The following SCN9A variants were observed in gnomAD, a reference collection of about 807,000 sequenced individuals.
The protein encoded by SCN9A is sodium voltage-gated channel alpha subunit 9.
SCN9A carries 131 observed loss-of-function variants against 187.0 expected under a neutral mutation model. The observed-to-expected ratio is 0.70, with a 90% CI of 0.61 to 0.81. The LOEUF (loss-of-function observed/expected upper bound fraction) is 0.81, where lower values mean the gene tolerates loss of function less well. Among genes scored for constraint, SCN9A ranks in the 30% least tolerant of loss-of-function variants. The pLI, the probability that SCN9A is intolerant of heterozygous loss-of-function variation, is 0.00. For synonymous variants in SCN9A, 809 were observed against 808.6 expected (o/e 1.00, Z -0.01); for missense variants, 2,252 against 2,396.6 (o/e 0.94, Z 1.26).
At chr2:166,327,401 C>A (rs528383682) in intron 1 of SCN9A, among the ~76,000 whole-genome samples, 39 of 152,244 alleles carry the variant, frequency 2.6e-4, no homozygotes, top group African/African-American at 8.9e-4. Context: ...AAGTGATCTG[C>A]CCTCCTTGGC....
At chr2:166,343,652 A>G (rs1699836306) in intron 1 of SCN9A, among the ~76,000 whole-genome samples, 1 of 152,094 alleles carries the variant, frequency 6.6e-6, no homozygotes, top group Non-Finnish European at 1.5e-5. Context: ...TAATCCCAGC[A>G]CTTTGGGAGG....
At chr2:166,225,931 C>A (rs1694825347) in intron 24 of SCN9A, among the ~76,000 whole-genome samples, 3 of 152,080 alleles carry the variant, frequency 2.0e-5, no homozygotes, top group Non-Finnish European at 4.4e-5. Flanking sequence ...TGAATTTGGA[C>A]TTCTAACCTC....
chr2:166,280,416 C>T lies in SCN9A; in HGVS notation c.2284G>A (p.Ala762Thr). 6.3e-7 allele frequency: 1 copy of T among 1,592,228 alleles called. No homozygotes were observed. The highest frequency in any genetic ancestry group is 8.6e-7 in the Non-Finnish European group (1 of 1,167,838). The change falls in exon 14 of 27, where the codon GCT becomes ACT. Residue 762 changes from alanine to threonine, a missense_variant. Transcript: ENST00000642356. ...ICIVLNTLFM[A>T]MEHHPMTEEF... ...TCAGTCATTGGGTGGTGTTCCATAGCCATAAATAATGTGTTTAAAACTATG... is the reference window on the plus strand; with the variant it reads ...TCAGTCATTGGGTGGTGTTCCATAGTCATAAATAATGTGTTTAAAACTATG...
chr2:166,288,120 T>TATACACACACAC lies in SCN9A; in HGVS notation c.1314+316_1314+317insGTGTGTGTGTAT, dbSNP rs56738765. ...ATATATATATATATATATATATATATACACACACATTTATATGTATATGTG... is the reference window on the plus strand; with the variant it reads ...ATATATATATATATATATATATATATATACACACACACACACACACATTTATATGTATATGTG... On this transcript the variant is annotated intron_variant, in intron 10 of 26. Coordinates refer to ENST00000642356, the MANE Select transcript of SCN9A (RefSeq NM_001365536.1). Among the ~76,000 whole-genome samples the TATACACACACAC allele has an allele frequency of 6.7e-3, 907 of 135,486 alleles. 8 individuals are homozygous for TATACACACACAC. Among genetic ancestry groups the TATACACACACAC allele is most frequent in the African/African-American group, 0.015 (533 of 36,534 alleles). The allele number at this position is 135,486 out of a possible 152,430, so 88.9% of individuals were successfully genotyped here.
chr2:166,339,966 GA>G (rs1416011993), intron 1 of SCN9A, among the ~76,000 whole-genome samples: 1 of 152,070 alleles, frequency 6.6e-6, no homozygotes, highest in Non-Finnish European at 1.5e-5. Flanking sequence ...TTAACCTCAG[GA>G]ACTATGTCTC....
At chr2:166,212,759 T>G (rs527699278) in intron 24 of SCN9A, among the ~76,000 whole-genome samples, 1 of 152,274 alleles carries the variant, frequency 6.6e-6, no homozygotes, top group Non-Finnish European at 1.5e-5. Flanking sequence ...TGACAACTGT[T>G]AAGAAGTTGA....
chr2:166,229,052 CATAA>C (rs1694972578), intron 21 of SCN9A, 80 bp from the exon 22 acceptor site: 1 of 1,169,688 alleles, frequency 8.5e-7, no homozygotes, highest in African/African-American at 1.5e-5. Flanking sequence ...GCCATGCAGA[CATAA>C]ATAAATTAGA....
At chr2:166,220,023 T>G (rs1694514766) in intron 24 of SCN9A, among the ~76,000 whole-genome samples, 2 of 152,138 alleles carry the variant, frequency 1.3e-5, no homozygotes, top group Non-Finnish European at 2.9e-5. Flanking sequence ...AATAACTTCA[T>G]CAAAATATTA....
At chr2:166,325,659 T>C (rs752187308) in intron 1 of SCN9A, among the ~76,000 whole-genome samples, 2 of 152,182 alleles carry the variant, frequency 1.3e-5, no homozygotes, top group Non-Finnish European at 2.9e-5. Context: ...TGAAGCTTTA[T>C]TACATATCCA....
intron 24 of SCN9A, among the ~76,000 whole-genome samples, chr2:166,226,280 A>G (rs1694837402): frequency 6.6e-6 from 1 of 152,154 alleles, no homozygotes; most frequent in African/African-American, 2.4e-5. Flanking sequence ...TCAATCCTCT[A>G]TAGGAAACAT....
In SCN9A at chr2:166,238,087, T is replaced by A. The variant is rs1190030003; in HGVS notation, c.3801+7A>T. ...TCCTCTTTTAAAATGTACTCAAAAG[T>A]ACCTACATCAACAATTAGGAAATCC... is the stretch of plus-strand genomic sequence containing the variant. On this transcript the variant is annotated splice_region_variant and intron_variant, in intron 20 of 26. Transcript: ENST00000642356. 1 of 1,603,798 alleles carries A rather than the reference T, an allele frequency of 6.2e-7. No homozygotes were observed. Among genetic ancestry groups the A allele is most frequent in the East Asian group, 2.2e-5 (1 of 44,604 alleles).
chr2:166,296,901 TAAAG>T (rs1224801127), intron 7 of SCN9A, among the ~76,000 whole-genome samples: 1 of 151,982 alleles, frequency 6.6e-6, no homozygotes, highest in East Asian at 1.9e-4. Flanking sequence ...TTCTGAAAGA[TAAAG>T]AATGAATCAC....
At chr2:166,216,826 A>G (rs1359990241) in intron 24 of SCN9A, among the ~76,000 whole-genome samples, 1 of 152,074 alleles carries the variant, frequency 6.6e-6, no homozygotes, top group Admixed American at 6.5e-5. Flanking sequence ...TAATCTACAG[A>G]TTCAATGCAA....
chr2:166,314,249 C>T (rs1336282403), intron 1 of SCN9A, among the ~76,000 whole-genome samples: 4 of 152,122 alleles, frequency 2.6e-5, no homozygotes, highest in African/African-American at 4.8e-5. Context: ...TGCCACAAAC[C>T]TTCAACTTGT....
intron 7 of SCN9A, chr2:166,300,818 A>G (rs1698521464): frequency 6.6e-6 from 1 of 151,036 alleles, no homozygotes; most frequent in Admixed American, 6.6e-5. Context: ...TATAAGATTC[A>G]TTATTAGCTA....
intron 12 of SCN9A, among the ~76,000 whole-genome samples, chr2:166,283,340 A>C (rs559902732): frequency 3.4e-4 from 52 of 152,322 alleles, no homozygotes; most frequent in African/African-American, 1.3e-3. Context: ...CATTTATTCA[A>C]ATTGAAATAT....
intron 1 of SCN9A, among the ~76,000 whole-genome samples, chr2:166,356,029 C>T (rs1700145193): frequency 6.6e-6 from 1 of 152,098 alleles, no homozygotes; most frequent in South Asian, 2.1e-4. Context: ...CCTTGGCCTC[C>T]CAAAATGCTG....
chr2:166,309,651 A>G (rs2106531811), intron 2 of SCN9A, among the ~76,000 whole-genome samples: 1 of 151,524 alleles, frequency 6.6e-6, no homozygotes, highest in Admixed American at 6.6e-5. Context: ...GGAAGAATCA[A>G]TATCGTGAAA....
intron 17 of SCN9A, among the ~76,000 whole-genome samples, chr2:166,271,864 T>TA (rs957762013): frequency 8.0e-5 from 12 of 150,428 alleles, no homozygotes; most frequent in Non-Finnish European, 1.8e-4. Flanking sequence ...CTCCGTTTTT[T>TA]AAAAAAAAGA....
Sources: allele counts gnomAD v4.1 joint callset (sites outside exome capture counted in the v4.1 genomes callset), GRCh38; gene constraint gnomAD v4.1.1; transcripts MANE v1.5; gene names NCBI Gene and HGNC (gene_info 2026-07-23, HGNC 2026-07-21).